Variants in PIK3R6 observed in about 807,000 individuals in gnomAD.
PIK3R6 encodes the protein phosphoinositide-3-kinase regulatory subunit 6.
A neutral mutation model predicts 84.9 loss-of-function variants in PIK3R6; 91 were observed. The observed-to-expected ratio is 1.07, with a 90% CI of 0.90 to 1.28. PIK3R6 has a LOEUF of 1.28. Ranked by LOEUF, PIK3R6 falls within the 50% of genes most tolerant of loss-of-function variation. The pLI, the probability that PIK3R6 is intolerant of heterozygous loss-of-function variation, is 0.00. For missense variants in PIK3R6, 996 were observed against 985.1 expected (o/e 1.01, Z -0.15); for synonymous variants, 416 against 411.4 (o/e 1.01, Z -0.13).
rs536986124 is a variant in PIK3R6, at chr17:8,849,605, T to C, written c.13+177A>G. Among the ~76,000 whole-genome samples the C allele has an allele frequency of 3.9e-5, 6 of 152,344 alleles. No individual in the cohort carries two copies. In the South Asian group the frequency reaches 1.2e-3, roughly 32 times the overall value. On this transcript the variant is annotated intron_variant, in intron 2 of 19. Transcript: ENST00000619866. ...GAGCAGTTGGAGCCTTGTGCAAGTG[T>C]GTAGATGTCCAACTCTCAAGATGTT...
chr17:8,827,287 G>A lies in PIK3R6; in HGVS notation c.1400C>T (p.Ala467Val). 6.4e-7 allele frequency: 1 copy of A among 1,554,278 alleles called. No individual in the cohort carries two copies. Among genetic ancestry groups the A allele is most frequent in the South Asian group, 1.2e-5 (1 of 84,294 alleles). ...TCCCAGCTCCGGCTGCCTGGATGCT[G>A]CAGGCTTCTGGGGGAAAGGGGATGG... ...YIPVLAPEKPAASRQPELGEL... is the reference protein window; with the variant it reads ...YIPVLAPEKPVASRQPELGEL... The change falls in exon 13 of 20, where the codon GCA becomes GTA. Residue 467 changes from alanine to valine, a missense_variant. Transcript: ENST00000619866.
chr17:8,828,736 A>G lies in PIK3R6; in HGVS notation c.1144T>C (p.Leu382=). ...GGCCCGTCCCAGCTGCCAGGCATCAAGAAGTCCAGGGGCCATGCACGCTTC... is the reference window on the plus strand; with the variant it reads ...GGCCCGTCCCAGCTGCCAGGCATCAGGAAGTCCAGGGGCCATGCACGCTTC... ...IKKRAWPLDF[L]MPGSWDGPPG... is the part of the protein sequence containing the mutation. Residue 382 remains leucine (L), a synonymous_variant, in exon 11 of 20, where the codon TTG becomes CTG. Transcript: ENST00000619866. The G allele has an allele frequency of 6.2e-7, 1 of 1,608,860 alleles. No homozygotes were observed. The highest frequency in any genetic ancestry group is 8.5e-7 in the Non-Finnish European group (1 of 1,177,524).
intron 3 of PIK3R6, 57 bp from the exon 4 acceptor site, chr17:8,838,712 C>A (rs1433319777): frequency 1.3e-6 from 2 of 1,494,428 alleles, no homozygotes; most frequent in Non-Finnish European, 9.1e-7. Context: ...TTAGAGGAGA[C>A]CCCTCTGAGC....
At chr17:8,804,503 G>A (rs924906000) in intron 18 of PIK3R6, among the ~76,000 whole-genome samples, 2 of 152,160 alleles carry the variant, frequency 1.3e-5, no homozygotes, top group Non-Finnish European at 2.9e-5. Context: ...ACGTGTTAAT[G>A]TATATGGAAT....
In PIK3R6 at chr17:8,803,499, C is replaced by CAGAGCTGTTATTGTAGGGCCT. The variant is rs375107729; in HGVS notation, c.2109-91_2109-71dup. 4.4e-5 allele frequency: 64 copies of CAGAGCTGTTATTGTAGGGCCT among 1,462,606 alleles called. 1 individual carries two copies. The South Asian group carries it at 6.7e-4, about 15-fold the overall frequency. The allele number at this position is 1,462,606 out of a possible 1,614,324, so 90.6% of individuals were successfully genotyped here. The stretch of plus-strand genomic sequence containing the variant: ...CAGATTGCCTAGGGCATTTGAAAGG[C>CAGAGCTGTTATTGTAGGGCCT]AGAGCTGTTATTGTAGGGCCTAGAG... On this transcript the variant is annotated intron_variant, in intron 19 of 19. Coordinates refer to ENST00000619866, the MANE Select transcript of PIK3R6 (RefSeq NM_001010855.4). The surrounding 1 kb of genome is among the most constrained non-coding windows in gnomAD (Gnocchi z 5.0).
intron 17 of PIK3R6, among the ~76,000 whole-genome samples, chr17:8,821,197 T>C (rs775125914): frequency 6.6e-6 from 1 of 152,180 alleles, no homozygotes. Flanking sequence ...GAGGCAGTGG[T>C]AAGGAACATA....
chr17:8,819,957 T>A (rs7224998), intron 17 of PIK3R6, among the ~76,000 whole-genome samples: 11,049 of 75,858 alleles, frequency 0.15, 583 homozygotes, highest in South Asian at 0.26. Context: ...ATATATATAT[T>A]TTTTTTTTGA....
intron 13 of PIK3R6, among the ~76,000 whole-genome samples, chr17:8,824,391 A>T (rs992078327): frequency 6.6e-6 from 1 of 152,210 alleles, no homozygotes; most frequent in Non-Finnish European, 1.5e-5. Context: ...CAGAACATCT[A>T]CATAGAATGT....
rs1034536569 is a variant in PIK3R6, at chr17:8,802,938, T to A, written c.*335A>T. ...CCAAGACAGCAGCTTTAACCCTGGTTTTAAGGGCTGGATGGGGAGCTTGGG... is the reference window on the plus strand; with the variant it reads ...CCAAGACAGCAGCTTTAACCCTGGTATTAAGGGCTGGATGGGGAGCTTGGG... On this transcript the variant is annotated 3_prime_UTR_variant, in exon 20 of 20. Coordinates refer to ENST00000619866, the MANE Select transcript of PIK3R6 (RefSeq NM_001010855.4). The A allele has an allele frequency of 7.6e-6, 2 of 264,402 alleles. No individual in the cohort carries two copies. Among genetic ancestry groups the A allele is most frequent in the African/African-American group, 4.6e-5 (2 of 43,136 alleles). The allele number at this position is 264,402 out of a possible 1,614,324, so 16.4% of individuals were successfully genotyped here.
chr17:8,819,135 A>C lies in PIK3R6; in HGVS notation c.1943T>G (p.Val648Gly), dbSNP rs752316497. ...APVTDHTCLNVNVTEVVKSSN... is the reference protein window; with the variant it reads ...APVTDHTCLNGNVTEVVKSSN... ...GGACTTGACAACCTCTGTCACGTTG[A>C]CATTCAGACATGTGTGGTCTGTGAC... Residue 648 changes from valine (V) to glycine (G), a missense_variant, in exon 18 of 20, where the codon GTC (valine) becomes GGC (glycine). Coordinates refer to ENST00000619866, the MANE Select transcript of PIK3R6 (RefSeq NM_001010855.4). 2 of 1,610,558 alleles carry C rather than the reference A, an allele frequency of 1.2e-6. No homozygotes were observed. The highest frequency in any genetic ancestry group is 1.7e-6 in the Non-Finnish European group (2 of 1,178,496).
Position 8,822,648 on chromosome 17 carries a change from GA to G in PIK3R6, c.1726del (p.Ser576HisfsTer40). ...QDSKFPKDGF[S>X]PRRRGVAEGP... Reference sequence around the variant, plus strand: ...CTCAGCCACGCCTCTCCTCCTGGGTGAAAAGCCATCTGTGGGGAGATGAGAA... The same window carrying G: ...CTCAGCCACGCCTCTCCTCCTGGGTGAAAGCCATCTGTGGGGAGATGAGAA... On this transcript the variant is annotated frameshift_variant, in exon 16 of 20. Transcript: ENST00000619866. LOFTEE classifies it high-confidence loss of function. 6.2e-7 allele frequency: 1 copy of G among 1,614,000 alleles called. No homozygotes were observed. Among genetic ancestry groups the G allele is most frequent in the South Asian group, 1.1e-5 (1 of 91,070 alleles).
intron 4 of PIK3R6, among the ~76,000 whole-genome samples, 181 bp from the exon 5 acceptor site, chr17:8,838,052 C>T (rs1255877849): frequency 6.6e-6 from 1 of 152,084 alleles, no homozygotes; most frequent in Non-Finnish European, 1.5e-5. Flanking sequence ...GGTGAGGAAG[C>T]CCCTCAGTGA....
At chr17:8,817,736 G>T (rs972778638) in intron 18 of PIK3R6, among the ~76,000 whole-genome samples, 2 of 152,196 alleles carry the variant, frequency 1.3e-5, no homozygotes, top group African/African-American at 4.8e-5. Context: ...TTGGCAACAT[G>T]GAGGTGACTT....
In PIK3R6 at chr17:8,838,673, G is replaced by A. The variant is rs942027456; in HGVS notation, c.98-18C>T. ...CCACATGCCTGGGCCAGGAGAAAGG[G>A]GAGCCCGGCATGAGCAGGTGGGCAG... On this transcript the variant is annotated intron_variant, in intron 3 of 19. Coordinates refer to ENST00000619866, the MANE Select transcript of PIK3R6 (RefSeq NM_001010855.4). 1.9e-6 allele frequency: 3 copies of A among 1,577,362 alleles called. No homozygotes were observed. Among genetic ancestry groups the A allele is most frequent in the East Asian group, 2.3e-5 (1 of 42,986 alleles).
chr17:8,832,607 T>C (rs1445724672), intron 9 of PIK3R6, among the ~76,000 whole-genome samples: 1 of 150,242 alleles, frequency 6.7e-6, no homozygotes, highest in African/African-American at 2.5e-5. Context: ...TTTCCCCATG[T>C]TGCCTAGGCT....
chr17:8,828,671 A>G lies in PIK3R6; in HGVS notation c.1209T>C (p.Asp403=). 2.5e-6 allele frequency: 4 copies of G among 1,612,576 alleles called. No individual in the cohort carries two copies. The highest frequency in any genetic ancestry group is 3.4e-6 in the Non-Finnish European group (4 of 1,179,450). ...GGGACACGCCGGGCAGCATTTCCCC[A>G]TCCCCACTGGGCCGGCCTGTCCTCC... The part of the protein sequence containing the change: ...LHRRTGRPSG[D]GEMLPGVSRL... Residue 403 remains aspartate, a synonymous_variant, in exon 11 of 20, where the codon GAT becomes GAC. Coordinates refer to ENST00000619866, the MANE Select transcript of PIK3R6 (RefSeq NM_001010855.4).
At chr17:8,817,709 A>C (rs780726005) in intron 18 of PIK3R6, among the ~76,000 whole-genome samples, 5 of 152,186 alleles carry the variant, frequency 3.3e-5, no homozygotes, top group Non-Finnish European at 5.9e-5. Flanking sequence ...ATAAGGGCTA[A>C]ATAGTGACCA....
intron 1 of PIK3R6, among the ~76,000 whole-genome samples, chr17:8,858,480 C>A (rs897071205): frequency 4.6e-5 from 7 of 151,994 alleles, no homozygotes; most frequent in Non-Finnish European, 8.8e-5. Context: ...CCACCCCTGG[C>A]TAATTTTTGT....
In PIK3R6 at chr17:8,838,628, T is replaced by C. The variant is rs1294849021; in HGVS notation, c.125A>G (p.Lys42Arg). The change falls in exon 4 of 20, where the codon AAG (lysine) becomes AGG (arginine). Residue 42 changes from lysine (K) to arginine (R), a missense_variant. Transcript: ENST00000619866. ...GCTCTTACCGGGATCTCGCTCGACCTTCTTGTGCAGGGACCACCTCCACAT... is the reference window on the plus strand; with the variant it reads ...GCTCTTACCGGGATCTCGCTCGACCCTCTTGTGCAGGGACCACCTCCACAT... ...QGMWRWSLHKKVERDPGKSPV... is the reference protein window; with the variant it reads ...QGMWRWSLHKRVERDPGKSPV... 1.2e-6 allele frequency: 2 copies of C among 1,605,646 alleles called. No homozygotes were observed. Among genetic ancestry groups the C allele is most frequent in the African/African-American group, 2.7e-5 (2 of 74,752 alleles).
Sources: allele counts gnomAD v4.1 joint callset (sites outside exome capture counted in the v4.1 genomes callset), GRCh38; gene constraint gnomAD v4.1.1; non-coding constraint Gnocchi (gnomAD v3.1); transcripts MANE v1.5; gene names NCBI Gene and HGNC (gene_info 2026-07-23, HGNC 2026-07-21).